Variants in ANAPC10 observed in about 807,000 individuals in gnomAD.
ANAPC10 encodes anaphase-promoting complex subunit 10.
Under a neutral mutation model 22.0 loss-of-function variants are expected in ANAPC10, and 12 were observed. The ratio of observed to expected loss-of-function variants is 0.55; its 90% confidence interval spans 0.35 to 0.88. The LOEUF is 0.88. Ranked by LOEUF, ANAPC10 falls within the 40% of genes least tolerant of loss-of-function variation. The pLI is 0.01. For synonymous variants in ANAPC10, 65 were observed against 69.5 expected, an observed-to-expected ratio of 0.94 and a Z score of 0.32; for missense variants, 188 against 220.9, an observed-to-expected ratio of 0.85 and a Z score of 0.94.
intron 4 of ANAPC10, among the ~76,000 whole-genome samples, chr4:145,036,654 C>T (rs756308485): frequency 3.9e-5 from 6 of 152,056 alleles, no homozygotes; most frequent in African/African-American, 7.2e-5. Context: ...AGCTCTTTCA[C>T]GCTTTTAACC....
chr4:145,039,773 T>C (rs1271918006), intron 4 of ANAPC10, among the ~76,000 whole-genome samples: 2 of 152,044 alleles, frequency 1.3e-5, no homozygotes, highest in Non-Finnish European at 2.9e-5. Context: ...TTTTGTATTT[T>C]TCAGTAGAGA....
intron 4 of ANAPC10, chr4:145,035,037 C>T (rs1367548662): frequency 1.3e-5 from 2 of 152,448 alleles, no homozygotes; most frequent in Non-Finnish European, 2.9e-5. Flanking sequence ...TGTGTCAACT[C>T]AAGCTAGTCT....
chr4:145,096,591 T>G (rs1432592723), intron 1 of ANAPC10, among the ~76,000 whole-genome samples: 4 of 152,230 alleles, frequency 2.6e-5, no homozygotes, highest in African/African-American at 9.6e-5. Context: ...GATTTTTACT[T>G]CTACAATGCT....
At chr4:145,063,852 G>A (rs1743267050) in intron 4 of ANAPC10, 1 of 152,060 alleles carries the variant, frequency 6.6e-6, no homozygotes, top group South Asian at 2.1e-4. Flanking sequence ...AGTGAAAGAA[G>A]CCATACATAA....
chr4:145,010,147 G>A (rs1347059642), intron 4 of ANAPC10, among the ~76,000 whole-genome samples: 1 of 152,096 alleles, frequency 6.6e-6, no homozygotes, highest in East Asian at 1.9e-4. Context: ...CAGTTAGAAT[G>A]GCGATCATTA....
Position 145,024,048 on chromosome 4 carries a change from G to A in ANAPC10, c.328-28445C>T, listed in dbSNP as rs117813495. Reference sequence around the variant, plus strand: ...TGTGTTCACAGCATCTTTACCAGGAGTAGATTCAACCTCAAGAAACTACTT... The same window carrying A: ...TGTGTTCACAGCATCTTTACCAGGAATAGATTCAACCTCAAGAAACTACTT... On this transcript the variant is annotated intron_variant, in intron 4 of 4. Coordinates refer to ENST00000507656, the MANE Select transcript of ANAPC10 (RefSeq NM_001256706.2). 7.7e-4 allele frequency among the ~76,000 whole-genome samples: 117 copies of A among 152,268 alleles called. 1 individual carries two copies. The East Asian group carries it at 0.015, about 19-fold the overall frequency.
intron 4 of ANAPC10, among the ~76,000 whole-genome samples, chr4:145,012,153 G>A (rs1394219934): frequency 8.3e-5 from 12 of 144,490 alleles, no homozygotes; most frequent in Admixed American, 2.8e-4. Flanking sequence ...ACAATTACAA[G>A]CTATATGTAT....
chr4:145,069,389 AT>A (rs1479023758), intron 3 of ANAPC10, among the ~76,000 whole-genome samples: 1 of 152,224 alleles, frequency 6.6e-6, no homozygotes, highest in Non-Finnish European at 1.5e-5. Context: ...CCTTCATTCT[AT>A]GCCTGAACAC....
intron 4 of ANAPC10, among the ~76,000 whole-genome samples, chr4:145,031,189 C>T (rs774515112): frequency 6.6e-6 from 1 of 152,136 alleles, no homozygotes; most frequent in South Asian, 2.1e-4. Context: ...TAATCTTATT[C>T]GAAGAGACCT....
rs1025493515 is a variant in ANAPC10, at chr4:145,081,699, G to A, written c.167C>T (p.Ser56Leu). ...RDDNLETYWQ[S>L]DGSQPHLVNI... is the part of the protein sequence containing the mutation. ...CACTAAATGAGGCTGGGAACCATCTGATTGCCAATAAGTTTCTAGATTGTC... is the reference window on the plus strand; with the variant it reads ...CACTAAATGAGGCTGGGAACCATCTAATTGCCAATAAGTTTCTAGATTGTC... The change falls in exon 3 of 5, where the codon TCA becomes TTA. Residue 56 changes from serine to leucine, a missense_variant. Coordinates refer to ENST00000507656, the MANE Select transcript of ANAPC10 (RefSeq NM_001256706.2). 18 of 1,612,584 alleles carry A rather than the reference G, an allele frequency of 1.1e-5. No homozygotes were observed. Among genetic ancestry groups the A allele is most frequent in the Non-Finnish European group, 1.5e-5 (18 of 1,179,492 alleles).
intron 3 of ANAPC10, among the ~76,000 whole-genome samples, chr4:145,078,096 A>T (rs945122924): frequency 3.3e-5 from 5 of 152,200 alleles, no homozygotes; most frequent in African/African-American, 1.2e-4. Flanking sequence ...TTGTTTGCAG[A>T]CAATATAATT....
chr4:145,069,827 G>T (rs1744231593), intron 3 of ANAPC10, among the ~76,000 whole-genome samples: 2 of 152,014 alleles, frequency 1.3e-5, no homozygotes, highest in African/African-American at 4.8e-5. Context: ...TGAACAAGCA[G>T]AAATGAGACT....
chr4:145,083,439 A>T (rs966152081), intron 2 of ANAPC10, among the ~76,000 whole-genome samples: 2 of 152,182 alleles, frequency 1.3e-5, no homozygotes, highest in Non-Finnish European at 2.9e-5. Context: ...ATTTCTAGAG[A>T]ATAGATTTCT....
At chr4:145,062,639 T>C (rs1302602828) in intron 4 of ANAPC10, among the ~76,000 whole-genome samples, 1 of 151,870 alleles carries the variant, frequency 6.6e-6, no homozygotes, top group Non-Finnish European at 1.5e-5. Context: ...TAAATTAAGA[T>C]AATTGTCTAT....
At chr4:145,043,418 G>C (rs1276097185) in intron 4 of ANAPC10, among the ~76,000 whole-genome samples, 1 of 151,946 alleles carries the variant, frequency 6.6e-6, no homozygotes, top group African/African-American at 2.4e-5. Context: ...TCACATGATA[G>C]AACAATGGGA....
intron 2 of ANAPC10, among the ~76,000 whole-genome samples, chr4:145,083,203 G>T (rs910538637): frequency 6.6e-6 from 1 of 151,938 alleles, no homozygotes; most frequent in Non-Finnish European, 1.5e-5. Context: ...TGTGCCAGGC[G>T]CATTCTAAAC....
chr4:145,056,870 T>G (rs1277413044), intron 4 of ANAPC10, among the ~76,000 whole-genome samples: 1 of 152,200 alleles, frequency 6.6e-6, no homozygotes. Context: ...ATATTTCTAT[T>G]GAATCATATC....
chr4:145,015,316 A>C (rs1362978076), intron 4 of ANAPC10, among the ~76,000 whole-genome samples: 3 of 152,002 alleles, frequency 2.0e-5, no homozygotes, highest in African/African-American at 7.3e-5. Context: ...CAGCAATAGA[A>C]ATGAACAAGC....
At chr4:145,031,884 AACTG>A (rs1737640232) in intron 4 of ANAPC10, among the ~76,000 whole-genome samples, 1 of 152,188 alleles carries the variant, frequency 6.6e-6, no homozygotes, top group Non-Finnish European at 1.5e-5. Context: ...ATGCAACCTG[AACTG>A]ACTATCATGA....
Sources: gnomAD v4.1 joint callset for allele counts (sites outside exome capture counted in the v4.1 genomes callset) on GRCh38, gnomAD v4.1.1 for gene constraint, MANE v1.5 for transcripts, NCBI Gene and HGNC (gene_info 2026-07-23, HGNC 2026-07-21) for gene names.